Variants in PALLD observed in about 807,000 individuals in gnomAD.
PALLD encodes the protein palladin, cytoskeletal associated protein.
Under a neutral mutation model 123.5 loss-of-function variants are expected in PALLD, and 61 were observed. The observed-to-expected ratio is 0.49, with a 90% CI of 0.40 to 0.61. The LOEUF (loss-of-function observed/expected upper bound fraction) is 0.61, where lower values mean the gene tolerates loss of function less well. PALLD is among the 20% of genes least tolerant of loss of function. The pLI, the probability that PALLD is intolerant of heterozygous loss-of-function variation, is 0.00. For synonymous variants in PALLD, 465 were observed against 496.4 expected, an observed-to-expected ratio of 0.94 and a Z score of 0.84; for missense variants, 1,273 against 1,377.0, an observed-to-expected ratio of 0.92 and a Z score of 1.20.
chr4:168,887,116 C>CAAAAAAAAAAAA (rs755173931), intron 10 of PALLD, among the ~76,000 whole-genome samples: 2 of 94,556 alleles, frequency 2.1e-5, no homozygotes, highest in African/African-American at 3.9e-5. Context: ...GACTCTGTCT[C>CAAAAAAAAAAAA]AAAAAAAAAA....
intron 1 of PALLD, among the ~76,000 whole-genome samples, chr4:168,499,768 G>T (rs1338035622): frequency 6.6e-6 from 1 of 152,042 alleles, no homozygotes; most frequent in African/African-American, 2.4e-5. Flanking sequence ...ATGACTATGG[G>T]AATTTAGCTA....
At chr4:168,656,251 C>G (rs1168798949) in intron 2 of PALLD, among the ~76,000 whole-genome samples, 4 of 113,050 alleles carry the variant, frequency 3.5e-5, no homozygotes, top group Non-Finnish European at 5.1e-5. Flanking sequence ...CCCCACCCCC[C>G]ACCCCCAACG....
At chr4:168,576,674 T>C (rs997061860) in intron 2 of PALLD, among the ~76,000 whole-genome samples, 4 of 152,190 alleles carry the variant, frequency 2.6e-5, no homozygotes, top group Non-Finnish European at 4.4e-5. Context: ...TTTGCTATTG[T>C]GAATAGTGCC....
intron 15 of PALLD, among the ~76,000 whole-genome samples, chr4:168,906,162 A>G (rs893080957): frequency 6.6e-6 from 1 of 152,144 alleles, no homozygotes; most frequent in Non-Finnish European, 1.5e-5. Context: ...AGGCTGGGGT[A>G]TATTATGGGA....
chr4:168,777,248 G>A (rs1275898035), intron 10 of PALLD, among the ~76,000 whole-genome samples: 2 of 152,302 alleles, frequency 1.3e-5, no homozygotes, highest in African/African-American at 4.8e-5. Flanking sequence ...GTGAGTCTCA[G>A]TGAAAACTGG....
intron 10 of PALLD, among the ~76,000 whole-genome samples, chr4:168,755,558 G>A (rs575135837): frequency 1.9e-4 from 29 of 152,254 alleles, no homozygotes; most frequent in Admixed American, 6.5e-4. Flanking sequence ...TTGCAAGCCC[G>A]GGTAAGGACT....
intron 1 of PALLD, among the ~76,000 whole-genome samples, chr4:168,501,936 A>G (rs1277225247): frequency 2.9e-5 from 4 of 140,326 alleles, no homozygotes; most frequent in African/African-American, 1.1e-4. Context: ...GCATAGTACA[A>G]TTGCCCAAAA....
At chr4:168,738,307 T>C (rs1787957227) in intron 10 of PALLD, among the ~76,000 whole-genome samples, 1 of 152,194 alleles carries the variant, frequency 6.6e-6, no homozygotes, top group Non-Finnish European at 1.5e-5. Context: ...CTGAGATGGC[T>C]GAAGGAGCCT....
chr4:168,898,657 C>A lies in PALLD; in HGVS notation c.2415C>A (p.Ile805=), dbSNP rs925960395. The A allele has an allele frequency of 6.2e-7, 1 of 1,613,962 alleles. No homozygotes were observed. Among genetic ancestry groups the A allele is most frequent in the Non-Finnish European group, 8.5e-7 (1 of 1,180,014 alleles). ...AGATGAAGCTGAAACATTACAAGATCTTTGAGGGAATGCCAGTAACTTTCA... is the reference window on the plus strand; with the variant it reads ...AGATGAAGCTGAAACATTACAAGATATTTGAGGGAATGCCAGTAACTTTCA... ...FFEMKLKHYK[I]FEGMPVTFTC... Residue 805 remains isoleucine, a synonymous_variant, in exon 14 of 22, where the codon ATC becomes ATA. Coordinates refer to ENST00000505667, the MANE Select transcript of PALLD (RefSeq NM_001166108.2).
At chr4:168,539,124 C>T (rs1307962228) in intron 2 of PALLD, among the ~76,000 whole-genome samples, 2 of 152,152 alleles carry the variant, frequency 1.3e-5, no homozygotes, top group South Asian at 2.1e-4. Flanking sequence ...CAATGGCACA[C>T]CTTATTTTGT....
intron 2 of PALLD, among the ~76,000 whole-genome samples, chr4:168,600,177 A>G (rs1772492073): frequency 6.6e-6 from 1 of 152,172 alleles, no homozygotes; most frequent in African/African-American, 2.4e-5. Context: ...GTGTGTGTAT[A>G]CATATATAAA....
intron 2 of PALLD, among the ~76,000 whole-genome samples, chr4:168,644,329 C>T (rs1263506681): frequency 1.3e-5 from 2 of 152,090 alleles, no homozygotes; most frequent in East Asian, 3.9e-4. Context: ...CTCAACTGAT[C>T]CTCCTGCCTC....
intron 10 of PALLD, among the ~76,000 whole-genome samples, chr4:168,819,241 T>C (rs1216403782): frequency 2.0e-5 from 3 of 152,144 alleles, no homozygotes; most frequent in African/African-American, 7.2e-5. Flanking sequence ...TAGCAAAATG[T>C]CAATTATTTA....
intron 10 of PALLD, among the ~76,000 whole-genome samples, chr4:168,810,004 G>C (rs1457090809): frequency 1.3e-5 from 2 of 151,994 alleles, no homozygotes; most frequent in Non-Finnish European, 2.9e-5. Flanking sequence ...CAGCCTCTGA[G>C]GAAGACAGGG....
chr4:168,831,771 A>T (rs994475950), intron 10 of PALLD, among the ~76,000 whole-genome samples: 6 of 152,246 alleles, frequency 3.9e-5, no homozygotes, highest in African/African-American at 1.2e-4. Flanking sequence ...CAAGCCGACA[A>T]CATATCTATG....
At chr4:168,597,771 T>G (rs1490819422) in intron 2 of PALLD, among the ~76,000 whole-genome samples, 1 of 152,168 alleles carries the variant, frequency 6.6e-6, no homozygotes, top group Non-Finnish European at 1.5e-5. Flanking sequence ...CTAAAACATT[T>G]ATTTCATATA....
At chr4:168,693,749 T>G (rs1782872361) in intron 8 of PALLD, among the ~76,000 whole-genome samples, 1 of 152,198 alleles carries the variant, frequency 6.6e-6, no homozygotes, top group Non-Finnish European at 1.5e-5. Context: ...TACGATGATT[T>G]CTCCACAATT....
At chr4:168,614,824 C>G (rs1301054226) in intron 2 of PALLD, among the ~76,000 whole-genome samples, 1 of 152,168 alleles carries the variant, frequency 6.6e-6, no homozygotes, top group Non-Finnish European at 1.5e-5. Flanking sequence ...CGTTCCTCCC[C>G]AGTCCTGCAC....
chr4:168,506,296 C>T lies in PALLD; in HGVS notation c.-82-5127C>T, dbSNP rs1761990695. ...CAAATCATCTTCTGTCCTCATAAACCTCCAATGCACAGAAGTCTCAGTTTG... is the reference window on the plus strand; with the variant it reads ...CAAATCATCTTCTGTCCTCATAAACTTCCAATGCACAGAAGTCTCAGTTTG... On this transcript the variant is annotated intron_variant, in intron 1 of 21. Coordinates refer to ENST00000505667, the MANE Select transcript of PALLD (RefSeq NM_001166108.2). Among the ~76,000 whole-genome samples, 2 of 152,148 alleles carry T rather than the reference C, an allele frequency of 1.3e-5. 1 individual carries two copies. Among genetic ancestry groups the T allele is most frequent in the South Asian group, 4.1e-4 (2 of 4,826 alleles).
Sources: gnomAD v4.1 joint callset for allele counts (sites outside exome capture counted in the v4.1 genomes callset) on GRCh38, gnomAD v4.1.1 for gene constraint, MANE v1.5 for transcripts, NCBI Gene and HGNC (gene_info 2026-07-23, HGNC 2026-07-21) for gene names.